The following NXPH1 variants were observed in gnomAD, a reference collection of about 807,000 sequenced individuals.
NXPH1 encodes neurexophilin-1.
Under a neutral mutation model 23.7 loss-of-function variants are expected in NXPH1, and 5 were observed. The observed-to-expected ratio is 0.21, with a 90% CI of 0.11 to 0.44. The LOEUF is 0.44. NXPH1 is among the 20% of genes least tolerant of loss of function. NXPH1 has a pLI of 0.99. For synonymous variants in NXPH1, 144 were observed against 122.2 expected (o/e 1.18, Z -1.18); for missense variants, 324 against 321.6 (o/e 1.01, Z -0.06).
intron 2 of NXPH1, among the ~76,000 whole-genome samples, chr7:8,627,357 A>G (rs1000194952): frequency 6.6e-6 from 1 of 152,160 alleles, no homozygotes; most frequent in African/African-American, 2.4e-5. Flanking sequence ...GGGAGGAGAA[A>G]AGAACTCAGG....
At chr7:8,440,971 A>T (rs1392350862) in intron 2 of NXPH1, among the ~76,000 whole-genome samples, 1 of 152,206 alleles carries the variant, frequency 6.6e-6, no homozygotes, top group African/African-American at 2.4e-5. Flanking sequence ...CTGTAAAGCA[A>T]GTGATGGAAG....
At chr7:8,699,138 C>T (rs1182890658) in intron 2 of NXPH1, among the ~76,000 whole-genome samples, 1 of 152,048 alleles carries the variant, frequency 6.6e-6, no homozygotes, top group Non-Finnish European at 1.5e-5. Context: ...GGTTTCTTTT[C>T]ACTCAGATCC....
At chr7:8,719,165 T>C (rs1033077816) in intron 2 of NXPH1, among the ~76,000 whole-genome samples, 4 of 152,250 alleles carry the variant, frequency 2.6e-5, no homozygotes, top group African/African-American at 9.6e-5. Context: ...TTGGCAGATA[T>C]ACCTCTATAG....
intron 2 of NXPH1, among the ~76,000 whole-genome samples, chr7:8,614,496 T>C (rs1286099896): frequency 6.6e-6 from 1 of 151,954 alleles, no homozygotes; most frequent in East Asian, 1.9e-4. Context: ...TGTCTATAGA[T>C]ATGGATACAT....
rs749263790 is a variant in NXPH1, at chr7:8,435,363, A to G, written c.-110-241A>G. On this transcript the variant is annotated intron_variant, in intron 1 of 2. Coordinates refer to ENST00000405863, the MANE Select transcript of NXPH1 (RefSeq NM_152745.3). The surrounding 1 kb of genome is among the most constrained non-coding windows in gnomAD (Gnocchi z 5.9). ...TCCGCCGCCTGGGAACTCGCACCCG[A>G]GGAGCGCAGGGGGCAAGGAGCCCCT... The G allele has an allele frequency of 1.7e-4, 62 of 356,154 alleles. No individual in the cohort carries two copies. The highest frequency in any genetic ancestry group is 2.8e-4 in the Non-Finnish European group (55 of 192,984). The allele number at this position is 356,154 out of a possible 1,614,324, so 22.1% of individuals were successfully genotyped here.
intron 2 of NXPH1, among the ~76,000 whole-genome samples, chr7:8,589,595 C>A (rs1248428073): frequency 6.6e-6 from 1 of 151,938 alleles, no homozygotes. Context: ...GGGCAGGAGA[C>A]AAGAGCATTG....
chr7:8,441,586 G>A (rs187245119), intron 2 of NXPH1, among the ~76,000 whole-genome samples: 197 of 152,280 alleles, frequency 1.3e-3, no homozygotes, highest in Non-Finnish European at 2.5e-3. Flanking sequence ...CTCCCCAGAT[G>A]AATATTACCA....
chr7:8,638,123 A>G (rs1169984562), intron 2 of NXPH1, among the ~76,000 whole-genome samples: 1 of 152,184 alleles, frequency 6.6e-6, no homozygotes, highest in Non-Finnish European at 1.5e-5. Context: ...GAACCTGGAG[A>G]GGAGAATGCT....
At chr7:8,504,103 C>T (rs1446067978) in intron 2 of NXPH1, among the ~76,000 whole-genome samples, 1 of 152,042 alleles carries the variant, frequency 6.6e-6, no homozygotes, top group Non-Finnish European at 1.5e-5. Context: ...TTTTCTGTCC[C>T]CATGTGTGTC....
intron 2 of NXPH1, among the ~76,000 whole-genome samples, chr7:8,485,763 T>A (rs1276431193): frequency 6.6e-6 from 1 of 152,172 alleles, no homozygotes; most frequent in African/African-American, 2.4e-5. Flanking sequence ...AAGGGAGACA[T>A]CAGAGGCAAT....
At chr7:8,497,497 A>G (rs1222982104) in intron 2 of NXPH1, among the ~76,000 whole-genome samples, 4 of 152,048 alleles carry the variant, frequency 2.6e-5, no homozygotes, top group Non-Finnish European at 4.4e-5. Flanking sequence ...AAGTCTTCCT[A>G]TTTCTCCACA....
At chr7:8,673,329 T>G (rs1166984477) in intron 2 of NXPH1, among the ~76,000 whole-genome samples, 2 of 152,174 alleles carry the variant, frequency 1.3e-5, no homozygotes, top group South Asian at 4.1e-4. Context: ...CTGAATACTT[T>G]ATGAGAAAAG....
At chr7:8,552,114 C>CAAAAAAAA (rs34390317) in intron 2 of NXPH1, among the ~76,000 whole-genome samples, 13 of 61,746 alleles carry the variant, frequency 2.1e-4, no homozygotes, top group African/African-American at 4.9e-4. Flanking sequence ...GAAAAAAAAC[C>CAAAAAAAA]AAAAAAAAAA....
At chr7:8,655,477 C>CACAG (rs1420424953) in intron 2 of NXPH1, among the ~76,000 whole-genome samples, 1 of 135,166 alleles carries the variant, frequency 7.4e-6, no homozygotes, top group Non-Finnish European at 1.6e-5. Flanking sequence ...CACACACACA[C>CACAG]ACACATCAGA....
At position 8,442,109 on chromosome 7, in the gene NXPH1, G is replaced by T. The variant is rs926178721; in HGVS notation, c.54+6342G>T. Among the ~76,000 whole-genome samples the T allele has an allele frequency of 6.6e-6, 1 of 152,108 alleles. No individual in the cohort carries two copies. Among genetic ancestry groups the T allele is most frequent in the Non-Finnish European group, 1.5e-5 (1 of 68,008 alleles). ...GCAGCAAGACAGTAGCTCCTCTCGG[G>T]CCACGGCTTACGAAAAGCTTTCCTA... On this transcript the variant is annotated intron_variant, in intron 2 of 2. Coordinates refer to ENST00000405863, the MANE Select transcript of NXPH1 (RefSeq NM_152745.3). This position sits in a 1 kb window ranked among gnomAD's most constrained non-coding sequence, Gnocchi z 4.6.
At position 8,548,638 on chromosome 7, in the gene NXPH1, A is replaced by G. The variant is rs1818231673; in HGVS notation, c.54+112871A>G. ...TAAATGCCAGTTTACTAAAGTTAGT[A>G]TTATACAGGGGTTGATAGCCTGATT... On this transcript the variant is annotated intron_variant, in intron 2 of 2. Coordinates refer to ENST00000405863, the MANE Select transcript of NXPH1 (RefSeq NM_152745.3). 2.6e-5 allele frequency among the ~76,000 whole-genome samples: 4 copies of G among 151,646 alleles called. No individual in the cohort carries two copies. In the South Asian group the frequency reaches 8.3e-4, roughly 31 times the overall value.
intron 2 of NXPH1, among the ~76,000 whole-genome samples, chr7:8,471,603 G>T (rs1047896598): frequency 1.1e-4 from 17 of 152,118 alleles, no homozygotes; most frequent in Admixed American, 1.1e-3. Flanking sequence ...TGGAACAGTA[G>T]GAGGAAGGAT....
At chr7:8,461,798 CCGCAG>C (rs1816700473) in intron 2 of NXPH1, among the ~76,000 whole-genome samples, 2 of 138,000 alleles carry the variant, frequency 1.4e-5, no homozygotes, top group African/African-American at 2.8e-5. Context: ...CCACTGCAGT[CCGCAG>C]TCCGGCCTGG....
chr7:8,480,223 G>C (rs114957756), intron 2 of NXPH1, among the ~76,000 whole-genome samples: 2 of 152,024 alleles, frequency 1.3e-5, no homozygotes, highest in Non-Finnish European at 2.9e-5. Flanking sequence ...TATATTTTCT[G>C]TGTGGTTTTC....
Sources: allele counts gnomAD v4.1 joint callset (sites outside exome capture counted in the v4.1 genomes callset), GRCh38; gene constraint gnomAD v4.1.1; non-coding constraint Gnocchi (gnomAD v3.1); transcripts MANE v1.5; gene names NCBI Gene and HGNC (gene_info 2026-07-23, HGNC 2026-07-21).